The following P2RX5 variants were observed in gnomAD, a reference collection of about 807,000 sequenced individuals.
P2RX5 encodes purinergic receptor P2X 5.
In P2RX5, 46 loss-of-function variants were observed where a neutral mutation model predicts 54.1. The observed-to-expected ratio is 0.85, with a 90% CI of 0.67 to 1.09. P2RX5 has a LOEUF of 1.09. P2RX5 is among the 50% of genes least tolerant of loss of function. The pLI is 0.00. For missense variants in P2RX5, 566 were observed against 549.8 expected, an observed-to-expected ratio of 1.03 and a Z score of -0.29; for synonymous variants, 226 against 226.4, an observed-to-expected ratio of 1.00 and a Z score of 0.02.
the P2RX5 span, chr17:3,714,977 C>A: frequency 8.1e-7 from 1 of 1,239,618 alleles, no homozygotes; most frequent in Non-Finnish European, 1.2e-6. Flanking sequence ...AGTTACAGGC[C>A]AAAGATAGCC....
chr17:3,678,112 C>T, intron 11 of P2RX5: 1 of 985,404 alleles, frequency 1.0e-6, no homozygotes, highest in Non-Finnish European at 1.2e-6. Flanking sequence ...CCAAATTCAC[C>T]TGTGCATTCT....
At chr17:3,680,245 GTCCTCCACCCTGCA>G (rs2050218908) in intron 10 of P2RX5, among the ~76,000 whole-genome samples, 1 of 107,712 alleles carries the variant, frequency 9.3e-6, no homozygotes, top group Non-Finnish European at 1.9e-5. Context: ...TCCACCCAGC[GTCCTCCACCCTGCA>G]TCCTCCACCC....
At chr17:3,684,139 G>T (rs1021444324) in intron 9 of P2RX5, among the ~76,000 whole-genome samples, 2 of 152,222 alleles carry the variant, frequency 1.3e-5, no homozygotes, top group Non-Finnish European at 2.9e-5. Flanking sequence ...CCTGTGAGCC[G>T]CTCCCGGCCC....
chr17:3,715,449 T>C, the P2RX5 span, among the ~76,000 whole-genome samples: 1 of 152,154 alleles, frequency 6.6e-6, no homozygotes, highest in East Asian at 1.9e-4. Flanking sequence ...TCTAGACCGC[T>C]TTCAGGGAAG....
chr17:3,703,132 T>C, the P2RX5 span, among the ~76,000 whole-genome samples: 6 of 152,146 alleles, frequency 3.9e-5, no homozygotes, highest in Non-Finnish European at 8.8e-5. Context: ...ACACATTTTA[T>C]AGATGAAAAG....
At position 3,679,691 on chromosome 17, in the gene P2RX5, C is replaced by T; in HGVS notation, c.1158G>A (p.Met386Ile). 6.2e-7 allele frequency: 1 copy of T among 1,612,018 alleles called. No homozygotes were observed. The highest frequency in any genetic ancestry group is 8.5e-7 in the Non-Finnish European group (1 of 1,179,798). The change falls in exon 11 of 12, where the codon ATG (methionine) becomes ATA (isoleucine). Residue 386 changes from methionine (M) to isoleucine (I), a missense_variant. Physicochemically the swap from Met to Ile is conservative, Grantham distance 10 (BLOSUM62 1). Coordinates refer to ENST00000225328, the MANE Select transcript of P2RX5 (RefSeq NM_002561.4). ...GCTCCTGCAGCTCCTGCTGCTCCGG[C>T]ATCCCCAGCAGCCCTGGCCCAGATG... ...QLTSGPGLLGMPEQQELQEPP... is the reference protein window; with the variant it reads ...QLTSGPGLLGIPEQQELQEPP...
chr17:3,710,164 C>A, the P2RX5 span, among the ~76,000 whole-genome samples: 1 of 151,706 alleles, frequency 6.6e-6, no homozygotes, highest in Non-Finnish European at 1.5e-5. Flanking sequence ...TGGCGGCTCA[C>A]GCCTGGAATC....
chr17:3,722,479 T>TAAAAAAAAAAAAAA, the P2RX5 span: 1 of 106,862 alleles, frequency 9.4e-6, no homozygotes. Context: ...AGACTCCATC[T>TAAAAAAAAAAAAAA]AAAAAAAAAA....
At chr17:3,715,496 T>C in the P2RX5 span, among the ~76,000 whole-genome samples, 1 of 152,148 alleles carries the variant, frequency 6.6e-6, no homozygotes, top group Admixed American at 6.6e-5. Flanking sequence ...AGGGCATTCC[T>C]GACAAGAAAA....
chr17:3,673,544 T>C lies in P2RX5; in HGVS notation c.*324A>G. 1 of 1,320,216 alleles carries C rather than the reference T, an allele frequency of 7.6e-7. No homozygotes were observed. The highest frequency in any genetic ancestry group is 9.7e-7 in the Non-Finnish European group (1 of 1,027,808). The allele number at this position is 1,320,216 out of a possible 1,614,324, so 81.8% of individuals were successfully genotyped here. A position where few individuals can be genotyped will look rare whatever the true frequency, so the allele number is the denominator to read the frequency against. ...TCTACAGGGCACTGCGGTCCTTAGC[T>C]GAGGTGCTCAAGGACTCCGGAAGGA... On this transcript the variant is annotated 3_prime_UTR_variant, in exon 12 of 12. Coordinates refer to ENST00000225328, the MANE Select transcript of P2RX5 (RefSeq NM_002561.4).
At chr17:3,712,540 GAAGT>G in the P2RX5 span, among the ~76,000 whole-genome samples, 4 of 152,216 alleles carry the variant, frequency 2.6e-5, no homozygotes, top group African/African-American at 9.6e-5. Context: ...CCTAGTCAAA[GAAGT>G]AAGGGTAGCC....
chr17:3,706,724 G>A, the P2RX5 span, among the ~76,000 whole-genome samples: 286 of 152,234 alleles, frequency 1.9e-3, 1 homozygote, highest in African/African-American at 6.7e-3. Flanking sequence ...TGATTCTCCT[G>A]CCTCAGCCTC....
intron 1 of P2RX5, chr17:3,691,996 C>T (rs932077664): frequency 4.3e-5 from 26 of 603,004 alleles, no homozygotes; most frequent in Middle Eastern, 8.8e-4. Context: ...GCAGCAGAGG[C>T]GACAAGCAAC....
upstream of P2RX5, among the ~76,000 whole-genome samples, chr17:3,697,128 G>A: frequency 6.6e-6 from 1 of 151,908 alleles, no homozygotes; most frequent in Non-Finnish European, 1.5e-5. Flanking sequence ...CCACACTCAG[G>A]GCGGATGGTG....
chr17:3,701,707 A>AAAAAT, the P2RX5 span, among the ~76,000 whole-genome samples: 20,812 of 139,864 alleles, frequency 0.15, 2,136 homozygotes, highest in Non-Finnish European at 0.22. Context: ...AAAAAAAAAA[A>AAAAAT]AAAAAAAAAA....
In P2RX5 at chr17:3,673,790, G is replaced by A. The variant is rs956085782; in HGVS notation, c.*78C>T. The A allele has an allele frequency of 5.0e-6, 8 of 1,611,924 alleles. No homozygotes were observed. In the Admixed American group the frequency reaches 1.3e-4, roughly 27 times the overall value. On this transcript the variant is annotated 3_prime_UTR_variant, in exon 12 of 12. Coordinates refer to ENST00000225328, the MANE Select transcript of P2RX5 (RefSeq NM_002561.4). Reference sequence around the variant, plus strand: ...CAAATTTCCCGTTGGGCAGCATCCTGGGATTCCCAAAGGCATGGGATCACT... The same window carrying A: ...CAAATTTCCCGTTGGGCAGCATCCTAGGATTCCCAAAGGCATGGGATCACT...
At chr17:3,719,236 A>C in the P2RX5 span, among the ~76,000 whole-genome samples, 1 of 121,534 alleles carries the variant, frequency 8.2e-6, no homozygotes, top group African/African-American at 3.3e-5. Context: ...ATTCTTCCTC[A>C]AAAAAAAAAA....
upstream of P2RX5, among the ~76,000 whole-genome samples, chr17:3,697,258 A>T (rs535446846): frequency 2.6e-5 from 4 of 152,296 alleles, no homozygotes; most frequent in South Asian, 8.3e-4. Flanking sequence ...CCAACGCACA[A>T]GAAATAGAAC....
At chr17:3,680,427 A>ATCCTCCACCCTGCATCCTCCACCCTGAG (rs1567730482) in intron 10 of P2RX5, among the ~76,000 whole-genome samples, 1 of 79,850 alleles carries the variant, frequency 1.3e-5, no homozygotes, top group Admixed American at 1.3e-4. Flanking sequence ...TCCACCCTGC[A>ATCCTCCACCCTGCATCCTCCACCCTGAG]TCCTCCACCC....
Sources: allele counts gnomAD v4.1 joint callset (sites outside exome capture counted in the v4.1 genomes callset), GRCh38; gene constraint gnomAD v4.1.1; transcripts MANE v1.5; gene names NCBI Gene and HGNC (gene_info 2026-07-23, HGNC 2026-07-21).